The following PALLD variants were observed in gnomAD, a reference collection of about 807,000 sequenced individuals.
PALLD encodes palladin.
A neutral mutation model predicts 123.5 loss-of-function variants in PALLD; 61 were observed. The ratio of observed to expected loss-of-function variants is 0.49; its 90% CI spans 0.40 to 0.61. The LOEUF (loss-of-function observed/expected upper bound fraction) is 0.61. PALLD is among the 20% of genes least tolerant of loss of function. The pLI is 0.00. For synonymous variants in PALLD, 465 were observed against 496.4 expected (o/e 0.94, Z 0.84); for missense variants, 1,273 against 1,377.0 (o/e 0.92, Z 1.20).
chr4:168,750,063 T>G (rs1391431250), intron 10 of PALLD, among the ~76,000 whole-genome samples: 1 of 152,030 alleles, frequency 6.6e-6, no homozygotes, highest in Admixed American at 6.5e-5. Context: ...TCTCCCTGCC[T>G]CAACCTCCTG....
intron 10 of PALLD, among the ~76,000 whole-genome samples, chr4:168,761,670 T>G (rs1490366381): frequency 0.03 from 2,901 of 96,772 alleles, 280 homozygotes; most frequent in East Asian, 0.2. Context: ...TTTTTTTTTT[T>G]TTTTTTGTAG....
intron 10 of PALLD, among the ~76,000 whole-genome samples, chr4:168,804,956 C>T (rs1393702152): frequency 2.0e-5 from 3 of 151,974 alleles, no homozygotes; most frequent in Non-Finnish European, 2.9e-5. Flanking sequence ...GTCAGGAGTT[C>T]AAGACCAGCC....
rs1136603 is a variant in PALLD, at chr4:168,928,086, G to A, written c.*1906G>A. ...CCAACCAAGGTTTAAGTGATTAATA[G>A]GCTTGAGCACCGGGTGGCAGATGTT... On this transcript the variant is annotated 3_prime_UTR_variant, in exon 22 of 22. Transcript: ENST00000505667. 0.12 allele frequency: 24,398 copies of A among 195,530 alleles called. 1,670 individuals carry two copies. The highest frequency in any genetic ancestry group is 0.19 in the Middle Eastern group (107 of 566). The allele number at this position is 195,530 out of a possible 1,614,324, so 12.1% of individuals were successfully genotyped here.
At chr4:168,538,080 T>C (rs1765260800) in intron 2 of PALLD, among the ~76,000 whole-genome samples, 1 of 152,254 alleles carries the variant, frequency 6.6e-6, no homozygotes, top group Admixed American at 6.5e-5. Flanking sequence ...GCTGTGTTTT[T>C]ATTTGAATTG....
At chr4:168,562,216 G>A (rs1410962332) in intron 2 of PALLD, among the ~76,000 whole-genome samples, 4 of 152,110 alleles carry the variant, frequency 2.6e-5, no homozygotes, top group Non-Finnish European at 5.9e-5. Flanking sequence ...TACAGTCACC[G>A]AATATCTGTT....
intron 10 of PALLD, among the ~76,000 whole-genome samples, chr4:168,729,054 G>A (rs537192079): frequency 2.6e-5 from 4 of 152,140 alleles, no homozygotes; most frequent in Admixed American, 6.5e-5. Context: ...TTTAGTAAGC[G>A]ACCTAAATAA....
At chr4:168,715,907 G>A (rs765259004) in intron 10 of PALLD, among the ~76,000 whole-genome samples, 7 of 149,500 alleles carry the variant, frequency 4.7e-5, no homozygotes, top group Non-Finnish European at 8.8e-5. Flanking sequence ...CCGAGATAGC[G>A]CCACTGCCCT....
chr4:168,707,422 CAGTT>C (rs1214484632), intron 8 of PALLD, among the ~76,000 whole-genome samples: 2 of 152,170 alleles, frequency 1.3e-5, no homozygotes, highest in African/African-American at 4.8e-5. Flanking sequence ...AGGAACGAGT[CAGTT>C]AGTCTAGGAT....
chr4:168,768,167 T>A (rs1733932550), intron 10 of PALLD, among the ~76,000 whole-genome samples: 1 of 152,208 alleles, frequency 6.6e-6, no homozygotes, highest in Admixed American at 6.5e-5. Context: ...TTTCTGTTGA[T>A]CTTTGATACT....
intron 10 of PALLD, among the ~76,000 whole-genome samples, chr4:168,817,178 G>A (rs566202728): frequency 6.6e-6 from 1 of 152,284 alleles, no homozygotes; most frequent in East Asian, 1.9e-4. Context: ...GCTTTTTATA[G>A]ACATGTGTCT....
chr4:168,732,969 G>T (rs576447544), intron 10 of PALLD, among the ~76,000 whole-genome samples: 5 of 152,274 alleles, frequency 3.3e-5, no homozygotes, highest in African/African-American at 1.2e-4. Context: ...TTGATATTGT[G>T]TGATAATACA....
chr4:168,641,670 A>T (rs1776961405), intron 2 of PALLD, among the ~76,000 whole-genome samples: 1 of 152,120 alleles, frequency 6.6e-6, no homozygotes, highest in Non-Finnish European at 1.5e-5. Flanking sequence ...GCTGCTCCAG[A>T]TGAGAAAGCC....
intron 10 of PALLD, among the ~76,000 whole-genome samples, chr4:168,839,279 G>A (rs1411409529): frequency 1.3e-5 from 2 of 152,064 alleles, no homozygotes; most frequent in South Asian, 4.1e-4. Context: ...ATACTCTTTT[G>A]TAGTATTCTC....
chr4:168,764,416 AT>A (rs1554078871), intron 10 of PALLD, among the ~76,000 whole-genome samples: 1 of 152,096 alleles, frequency 6.6e-6, no homozygotes, highest in Non-Finnish European at 1.5e-5. Context: ...ATTTAAAAAA[AT>A]TTTTTTAGAA....
At chr4:168,535,242 G>T (rs1038828772) in intron 2 of PALLD, among the ~76,000 whole-genome samples, 1 of 152,166 alleles carries the variant, frequency 6.6e-6, no homozygotes, top group African/African-American at 2.4e-5. Context: ...ATTTCCTTAT[G>T]TAGGTTTTTA....
chr4:168,682,973 A>T, intron 4 of PALLD, 25 bp from the exon 5 acceptor site: 1 of 1,361,546 alleles, frequency 7.3e-7, no homozygotes, highest in South Asian at 1.2e-5. Flanking sequence ...TATTCTGACT[A>T]AACACTCACC....
At chr4:168,602,007 G>A (rs900075849) in intron 2 of PALLD, among the ~76,000 whole-genome samples, 3 of 152,166 alleles carry the variant, frequency 2.0e-5, no homozygotes, top group African/African-American at 7.2e-5. Context: ...CAAGACAGGA[G>A]GGGATAATGG....
intron 10 of PALLD, among the ~76,000 whole-genome samples, chr4:168,886,282 A>G (rs949433971): frequency 6.6e-6 from 1 of 152,190 alleles, no homozygotes; most frequent in Non-Finnish European, 1.5e-5. Context: ...GTATTAATGT[A>G]TTGGCCTAGC....
At chr4:168,659,093 TAC>T (rs1778882327) in intron 2 of PALLD, among the ~76,000 whole-genome samples, 1 of 152,210 alleles carries the variant, frequency 6.6e-6, no homozygotes, top group Admixed American at 6.5e-5. Flanking sequence ...AGACAAAAAA[TAC>T]TCCATAAAAA....
Sources: allele counts gnomAD v4.1 joint callset (sites outside exome capture counted in the v4.1 genomes callset), GRCh38; gene constraint gnomAD v4.1.1; transcripts MANE v1.5; gene names NCBI Gene and HGNC (gene_info 2026-07-23, HGNC 2026-07-21).